Variants in MKX observed in about 807,000 individuals in gnomAD.
MKX encodes the protein mohawk homeobox.
Under a neutral mutation model 36.0 loss-of-function variants are expected in MKX, and 13 were observed. That is an observed-to-expected ratio of 0.36 (90% CI 0.24 to 0.57). The LOEUF (loss-of-function observed/expected upper bound fraction) is 0.57, where lower values mean the gene tolerates loss of function less well. Among genes scored for constraint, MKX ranks in the 20% least tolerant of loss-of-function variants. MKX has a pLI of 0.79. For missense variants in MKX, 458 were observed against 456.4 expected, an observed-to-expected ratio of 1.00 and a Z score of -0.03; for synonymous variants, 176 against 178.3, an observed-to-expected ratio of 0.99 and a Z score of 0.10.
intron 5 of MKX, among the ~76,000 whole-genome samples, chr10:27,731,475 C>T (rs1221292218): frequency 6.6e-6 from 1 of 152,188 alleles, no homozygotes; most frequent in Non-Finnish European, 1.5e-5. Context: ...TCAATTCCCA[C>T]CAAAGACAGC....
Position 27,684,532 on chromosome 10 carries a change from A to G in MKX, c.839-8978T>C, listed in dbSNP as rs892694334. ...TATTATACACATTTTTTAAAAAGGCATAATTCTGGACATGTGTTATAACCT... is the reference window on the plus strand; with the variant it reads ...TATTATACACATTTTTTAAAAAGGCGTAATTCTGGACATGTGTTATAACCT... On this transcript the variant is annotated intron_variant, in intron 5 of 6. Transcript: ENST00000419761. Among the ~76,000 whole-genome samples, 9 of 152,320 alleles carry G rather than the reference A, an allele frequency of 5.9e-5. 1 individual carries two copies. In the East Asian group the frequency reaches 1.5e-3, roughly 26 times the overall value.
Position 27,741,098 on chromosome 10 carries a change from C to G in MKX, c.348+247G>C, listed in dbSNP as rs1280299958. Among the ~76,000 whole-genome samples the G allele has an allele frequency of 6.6e-6, 1 of 152,174 alleles. No individual in the cohort carries two copies. The highest frequency in any genetic ancestry group is 1.5e-5 in the Non-Finnish European group (1 of 68,028). ...GATTCTGATGCTCACTAATGTTGAACCTTCTCGTAAGTCTGCAGTTTACTT... is the reference window on the plus strand; with the variant it reads ...GATTCTGATGCTCACTAATGTTGAAGCTTCTCGTAAGTCTGCAGTTTACTT... On this transcript the variant is annotated intron_variant, in intron 3 of 6. Transcript: ENST00000419761. This position sits in a 1 kb window ranked among gnomAD's most constrained non-coding sequence, Gnocchi z 5.1.
chr10:27,701,482 TA>T (rs1366096107), intron 5 of MKX, among the ~76,000 whole-genome samples: 5 of 145,812 alleles, frequency 3.4e-5, no homozygotes, highest in Non-Finnish European at 4.5e-5. Context: ...AAAAGGTGTA[TA>T]AATATATAAT....
intron 5 of MKX, among the ~76,000 whole-genome samples, chr10:27,713,362 G>A (rs891025467): frequency 2.0e-5 from 3 of 152,212 alleles, no homozygotes; most frequent in African/African-American, 7.2e-5. Context: ...TCTGAAGAAG[G>A]ATGCAAGGCT....
intron 5 of MKX, among the ~76,000 whole-genome samples, chr10:27,723,056 A>G (rs1366212257): frequency 6.6e-6 from 1 of 152,222 alleles, no homozygotes; most frequent in Non-Finnish European, 1.5e-5. Flanking sequence ...TGCTTCAATC[A>G]TAGTAACCAT....
rs1834910047 is a variant in MKX at position 27,742,004 on chromosome 10, C to G, written c.189-500G>C. Among the ~76,000 whole-genome samples the G allele has an allele frequency of 6.6e-6, 1 of 152,100 alleles. No homozygotes were observed. Among genetic ancestry groups the G allele is most frequent in the African/African-American group, 2.4e-5 (1 of 41,432 alleles). Reference sequence around the variant, plus strand: ...CGCCGACTGGACATAGGGAATAAAGCAAAGGAGCATTGCCGCCCCGGCTCT... The same window carrying G: ...CGCCGACTGGACATAGGGAATAAAGGAAAGGAGCATTGCCGCCCCGGCTCT... On this transcript the variant is annotated intron_variant, in intron 2 of 6. Coordinates refer to ENST00000419761, the MANE Select transcript of MKX (RefSeq NM_173576.3). The surrounding 1 kb of genome is among the most constrained non-coding windows in gnomAD (Gnocchi z 4.2).
chr10:27,683,677 C>T (rs1836294029), intron 5 of MKX, among the ~76,000 whole-genome samples: 1 of 152,202 alleles, frequency 6.6e-6, no homozygotes, highest in South Asian at 2.1e-4. Flanking sequence ...TGTGCAGAGC[C>T]TGCGTCTAGT....
rs147222224 is a variant in MKX, at chr10:27,679,055, G to A, written c.839-3501C>T. ...AGACGGGCACATTCAATGTCAGTAG[G>A]TATAGATTGGGTTCCTCTCCAATAA... is the stretch of plus-strand genomic sequence containing the variant. On this transcript the variant is annotated intron_variant, in intron 5 of 6. Transcript: ENST00000419761. Among the ~76,000 whole-genome samples, 16 of 152,018 alleles carry A rather than the reference G, an allele frequency of 1.1e-4. 1 individual carries two copies. The East Asian group carries it at 2.9e-3, about 28-fold the overall frequency.
At chr10:27,703,538 G>A (rs1199752438) in intron 5 of MKX, among the ~76,000 whole-genome samples, 1 of 152,012 alleles carries the variant, frequency 6.6e-6, no homozygotes, top group African/African-American at 2.4e-5. Flanking sequence ...AATAAAAGAG[G>A]TGGTAAAATC....
chr10:27,717,073 G>A (rs369467272), intron 5 of MKX, among the ~76,000 whole-genome samples: 180 of 152,258 alleles, frequency 1.2e-3, no homozygotes, highest in African/African-American at 4.2e-3. Flanking sequence ...ACAAGGAAGG[G>A]AGTTGGGCAG....
chr10:27,694,417 A>G (rs1329364740), intron 5 of MKX, among the ~76,000 whole-genome samples: 1 of 151,360 alleles, frequency 6.6e-6, no homozygotes, highest in Non-Finnish European at 1.5e-5. Context: ...ACGGTGGCTC[A>G]CGCCTGTAAT....
At chr10:27,711,350 T>C (rs1327676059) in intron 5 of MKX, among the ~76,000 whole-genome samples, 1 of 152,180 alleles carries the variant, frequency 6.6e-6, no homozygotes, top group East Asian at 1.9e-4. Context: ...TTTATGTCAT[T>C]ATCTATTCTT....
intron 5 of MKX, among the ~76,000 whole-genome samples, chr10:27,731,990 CAT>C (rs1351031369): frequency 2.1e-5 from 1 of 48,146 alleles, no homozygotes; most frequent in Non-Finnish European, 8.6e-5. Context: ...ATGTATTTGT[CAT>C]TTTTTTTTAT....
chr10:27,743,599 G>T, intron 1 of MKX, 102 bp from the exon 2 acceptor site: 2 of 633,488 alleles, frequency 3.2e-6, no homozygotes, highest in Non-Finnish European at 2.5e-6. Flanking sequence ...CTGCGGAGCC[G>T]AGGGGAGGAG....
intron 3 of MKX, among the ~76,000 whole-genome samples, chr10:27,736,641 T>C (rs1019858986): frequency 2.7e-5 from 4 of 149,110 alleles, no homozygotes; most frequent in South Asian, 2.1e-4. Flanking sequence ...AAATTTCTAC[T>C]TTTTTTTTTC....
At chr10:27,683,546 G>A (rs191190153) in intron 5 of MKX, among the ~76,000 whole-genome samples, 8 of 152,358 alleles carry the variant, frequency 5.3e-5, no homozygotes, top group Admixed American at 5.2e-4. Context: ...TAGTGCCCTT[G>A]CAGAGCAATT....
chr10:27,687,889 C>G (rs550355157), intron 5 of MKX, among the ~76,000 whole-genome samples: 1 of 152,286 alleles, frequency 6.6e-6, no homozygotes, highest in East Asian at 1.9e-4. Context: ...ATTCTTGGCT[C>G]TTGGTATTCA....
rs1447815295 is a variant in MKX, at chr10:27,675,383, T to C, written c.905A>G (p.Asp302Gly). 31 of 1,614,100 alleles carry C rather than the reference T, an allele frequency of 1.9e-5. No individual in the cohort carries two copies. The highest frequency in any genetic ancestry group is 2.4e-5 in the Non-Finnish European group (28 of 1,180,060). The change falls in exon 7 of 7, where the codon GAC (aspartate) becomes GGC (glycine). Residue 302 changes from aspartate (D) to glycine (G), a missense_variant. Coordinates refer to ENST00000419761, the MANE Select transcript of MKX (RefSeq NM_173576.3). The part of the protein sequence containing the change: ...AANRKGPSKD[D>G]TYWKEINAAM... ...TGCGTTGATCTCCTTCCAATACGTG[T>C]CATCCTTGCTTGGTCCTTTTCTGTT...
intron 1 of MKX, among the ~76,000 whole-genome samples, chr10:27,745,261 G>A (rs1451366737): frequency 6.6e-6 from 1 of 152,200 alleles, no homozygotes; most frequent in East Asian, 1.9e-4. Flanking sequence ...CAGACACCCG[G>A]CGCGCTGTAG....
Sources: gnomAD v4.1 joint callset for allele counts (sites outside exome capture counted in the v4.1 genomes callset) on GRCh38, gnomAD v4.1.1 for gene constraint, Gnocchi (gnomAD v3.1) non-coding constraint, MANE v1.5 for transcripts, NCBI Gene and HGNC (gene_info 2026-07-23, HGNC 2026-07-21) for gene names.